The following VCL variants were observed in gnomAD, a reference collection of about 807,000 sequenced individuals.
VCL encodes the protein epididymis luminal protein 114.
Under a neutral mutation model 125.7 loss-of-function variants are expected in VCL, and 47 were observed. That is an observed-to-expected ratio of 0.37 (90% confidence interval 0.30 to 0.48). VCL has a LOEUF of 0.48. Ranked by LOEUF, VCL falls within the 20% of genes least tolerant of loss-of-function variation. The probability of loss-of-function intolerance (pLI) is 0.99; values close to 1 mark genes in which losing one functional copy is unlikely to be tolerated. For missense variants in VCL, 1,069 were observed against 1,455.5 expected (o/e 0.73, Z 4.32); for synonymous variants, 458 against 514.6 (o/e 0.89, Z 1.49).
chr10:74,115,038 G>C (rs1016329801), intron 21 of VCL, 139 bp downstream of exon 21: 27 of 891,506 alleles, frequency 3.0e-5, no homozygotes, highest in Non-Finnish European at 4.9e-5. Context: ...ACTGTCTCAG[G>C]AGGGGAAAGT....
At position 74,105,309 on chromosome 10, in the gene VCL, T is replaced by C. The variant is rs1564532969; in HGVS notation, c.2390T>C (p.Met797Thr). 3 of 1,612,908 alleles carry C rather than the reference T, an allele frequency of 1.9e-6. No individual in the cohort carries two copies. Among genetic ancestry groups the C allele is most frequent in the South Asian group, 1.1e-5 (1 of 91,032 alleles). ...GAATTGAGCAAAACCATCTCCCCGA[T>C]GGTGATGGATGCAAAAGCTGTGGCT... ...SDELSKTISP[M>T]VMDAKAVAGN... The change falls in exon 16 of 22, where the codon ATG (methionine) becomes ACG (threonine). Residue 797 changes from methionine (M) to threonine (T), a missense_variant. Physicochemically the swap from Met to Thr is moderately conservative, Grantham distance 81 (BLOSUM62 -1). This residue lies in a region of VCL where 760 missense variants were observed against 928.9 expected (regional missense o/e 0.82). Coordinates refer to ENST00000211998, the MANE Select transcript of VCL (RefSeq NM_014000.3).
chr10:74,007,326 G>T (rs1244136348), intron 1 of VCL, among the ~76,000 whole-genome samples: 1 of 152,036 alleles, frequency 6.6e-6, no homozygotes, highest in Non-Finnish European at 1.5e-5. Context: ...GTCTTTCACT[G>T]CACCCTTTGA....
chr10:74,054,050 T>C (rs1841353835), intron 2 of VCL, among the ~76,000 whole-genome samples: 1 of 152,204 alleles, frequency 6.6e-6, no homozygotes, highest in African/African-American at 2.4e-5. Context: ...GGAAATTCTT[T>C]TGTTACATAC....
intron 1 of VCL, among the ~76,000 whole-genome samples, chr10:74,022,042 A>C (rs1840678559): frequency 6.6e-6 from 1 of 152,152 alleles, no homozygotes; most frequent in Non-Finnish European, 1.5e-5. Flanking sequence ...CCAGTCTTCC[A>C]GATTAATTTA....
chr10:74,043,131 G>T lies in VCL; in HGVS notation c.217G>T (p.Asp73Tyr). The T allele has an allele frequency of 6.2e-7, 1 of 1,613,410 alleles. No homozygotes were observed. ...QTTEDQILKRDMPPAFIKVEN... is the reference protein window; with the variant it reads ...QTTEDQILKRYMPPAFIKVEN... ...CACTGAGGATCAGATTTTGAAGAGA[G>T]ATATGCCACCAGCATTTATTAAGTG... The change falls in exon 2 of 22, where the codon GAT becomes TAT. Residue 73 changes from aspartate (D) to tyrosine (Y), a missense_variant. Asp to Tyr is a radical substitution (Grantham distance 160). Around this residue, in one of 6 missense-constraint regions of VCL, gnomAD observed 96 missense variants for 137.6 expected, o/e 0.70. Transcript: ENST00000211998.
intron 2 of VCL, 76 bp downstream of exon 2, chr10:74,043,229 TAAC>T: frequency 7.5e-7 from 1 of 1,335,514 alleles, no homozygotes; most frequent in Non-Finnish European, 1.1e-6. Flanking sequence ...CTGATTTCAG[TAAC>T]AACTTTTTTT....
intron 2 of VCL, among the ~76,000 whole-genome samples, chr10:74,059,099 G>C (rs113811039): frequency 0.039 from 5,904 of 152,172 alleles, 215 homozygotes; most frequent in African/African-American, 0.098. Context: ...GGCCAGGCAC[G>C]GTGGCTCACA....
At position 74,114,434 on chromosome 10, in the gene VCL, T is replaced by TGTGCGC. The variant is rs1554819658; in HGVS notation, c.3153+52_3153+53insCGTGCG. 2.7e-5 allele frequency: 40 copies of TGTGCGC among 1,468,582 alleles called. No homozygotes were observed. In the African/African-American group the frequency reaches 5.1e-4, roughly 19 times the overall value. The allele number at this position is 1,468,582 out of a possible 1,614,324, so 91.0% of individuals were successfully genotyped here. Reference sequence around the variant, plus strand: ...GTGTGTGTGTGTGTGTGTGTGTGTGTGTGCGTGTGTGTGTGTGTTGGAGGG... The same window carrying TGTGCGC: ...GTGTGTGTGTGTGTGTGTGTGTGTGTGTGCGCGTGCGTGTGTGTGTGTGTTGGAGGG... On this transcript the variant is annotated intron_variant, in intron 20 of 21. Coordinates refer to ENST00000211998, the MANE Select transcript of VCL (RefSeq NM_014000.3).
chr10:74,109,501 T>C (rs1023270797), intron 18 of VCL, among the ~76,000 whole-genome samples: 1 of 152,186 alleles, frequency 6.6e-6, no homozygotes, highest in African/African-American at 2.4e-5. Flanking sequence ...TTTTAGATGC[T>C]ACATTGCTAA....
chr10:74,083,754 C>T (rs1253459074), intron 8 of VCL, among the ~76,000 whole-genome samples: 6 of 152,224 alleles, frequency 3.9e-5, no homozygotes, highest in East Asian at 1.9e-4. Context: ...TGCGGTGGTG[C>T]GATCTTGGCT....
At chr10:74,090,289 A>G (rs904493635) in intron 10 of VCL, 91 bp downstream of exon 10, 8 of 1,450,046 alleles carry the variant, frequency 5.5e-6, no homozygotes, top group Non-Finnish European at 6.7e-6. Context: ...TTCCCCCAAG[A>G]ACATACATAT....
intron 1 of VCL, among the ~76,000 whole-genome samples, chr10:74,008,100 G>A (rs191101667): frequency 3.6e-4 from 54 of 152,104 alleles, no homozygotes; most frequent in Middle Eastern, 3.4e-3. Flanking sequence ...CACCGCGCCC[G>A]GCCTAAATTT....
At chr10:74,117,148 T>C (rs1372520652) in intron 21 of VCL, among the ~76,000 whole-genome samples, 2 of 152,170 alleles carry the variant, frequency 1.3e-5, no homozygotes, top group African/African-American at 4.8e-5. Flanking sequence ...ATTTGGTTGT[T>C]TTTAAAATTC....
At chr10:74,065,743 A>G (rs1841559597) in intron 2 of VCL, among the ~76,000 whole-genome samples, 1 of 151,988 alleles carries the variant, frequency 6.6e-6, no homozygotes, top group African/African-American at 2.4e-5. Flanking sequence ...TTTCACATTG[A>G]CCAGATTGGC....
At chr10:74,109,285 A>G (rs1840184343) in intron 18 of VCL, 129 bp downstream of exon 18, 1 of 1,160,254 alleles carries the variant, frequency 8.6e-7, no homozygotes, top group South Asian at 1.3e-5. Context: ...TGTGTTGCCA[A>G]TAGCATATTC....
At chr10:74,046,053 T>G (rs1841192328) in intron 2 of VCL, among the ~76,000 whole-genome samples, 1 of 152,188 alleles carries the variant, frequency 6.6e-6, no homozygotes, top group African/African-American at 2.4e-5. Context: ...TTTATGCAAC[T>G]GTGTTTCTGT....
intron 1 of VCL, among the ~76,000 whole-genome samples, chr10:74,011,299 C>T (rs79003333): frequency 0.011 from 1,597 of 151,458 alleles, 27 homozygotes; most frequent in African/African-American, 0.037. Flanking sequence ...TATAATTAGA[C>T]GTAGGAAATG....
At chr10:74,065,050 GAAAC>G (rs1209414960) in intron 2 of VCL, among the ~76,000 whole-genome samples, 1 of 150,310 alleles carries the variant, frequency 6.7e-6, no homozygotes, top group Non-Finnish European at 1.5e-5. Flanking sequence ...AGTAAACAGT[GAAAC>G]AAACAAACAA....
At position 74,107,262 on chromosome 10, in the gene VCL, C is replaced by T. The variant is rs779047174; in HGVS notation, c.2467C>T (p.Arg823Trp). The T allele has an allele frequency of 2.6e-5, 42 of 1,614,058 alleles. No homozygotes were observed. Among genetic ancestry groups the T allele is most frequent in the Admixed American group, 1.3e-4 (8 of 59,990 alleles). Residue 823 changes from arginine (R) to tryptophan (W), a missense_variant, in exon 17 of 22, where the codon CGG becomes TGG. Arg to Trp is a moderately radical substitution (Grantham distance 101). This residue lies in a region of VCL where 760 missense variants were observed against 928.9 expected (regional missense o/e 0.82). Transcript: ENST00000211998. ...AAAGAGCTTCCTGGACTCAGGATAT[C>T]GGATCCTGGGAGCTGTGGCCAAGGT... ...LQKSFLDSGY[R>W]ILGAVAKVRE...
Sources: gnomAD v4.1 joint callset for allele counts (sites outside exome capture counted in the v4.1 genomes callset) on GRCh38, gnomAD v4.1.1 for gene constraint, gnomAD v4.1.1 regional missense constraint, MANE v1.5 for transcripts, NCBI Gene and HGNC (gene_info 2026-07-23, HGNC 2026-07-21) for gene names.